Variants in KCND3 observed in about 807,000 individuals in gnomAD.
The protein encoded by KCND3 is potassium voltage-gated channel subfamily D member 3.
A neutral mutation model predicts 51.1 loss-of-function variants in KCND3; 9 were observed. That is an observed-to-expected ratio of 0.18 (90% CI 0.11 to 0.31). The LOEUF (loss-of-function observed/expected upper bound fraction) is 0.31, where lower values mean the gene tolerates loss of function less well. KCND3 is among the 10% of genes least tolerant of loss of function. KCND3 has a pLI of 1.00. For missense variants in KCND3, 526 were observed against 903.8 expected (o/e 0.58, Z 5.36); for synonymous variants, 349 against 368.0 (o/e 0.95, Z 0.59).
intron 7 of KCND3, 27 bp from the exon 8 acceptor site, chr1:111,776,305 A>G: frequency 1.9e-6 from 3 of 1,607,152 alleles, no homozygotes; most frequent in Non-Finnish European, 2.6e-6. Context: ...TGAGTTGATG[A>G]TGGTTCCTGC....
At chr1:111,867,950 G>C (rs113627766) in intron 2 of KCND3, among the ~76,000 whole-genome samples, 4,323 of 152,316 alleles carry the variant, frequency 0.028, 78 homozygotes, top group Non-Finnish European at 0.043. Flanking sequence ...CTAAGCCACA[G>C]AGCCTCATTG....
intron 2 of KCND3, among the ~76,000 whole-genome samples, chr1:111,975,805 C>G (rs1674597062): frequency 6.6e-6 from 1 of 152,184 alleles, no homozygotes; most frequent in African/African-American, 2.4e-5. Context: ...TCAAGAACAG[C>G]ACACCAAGGT....
rs530367142 is a variant in KCND3, at chr1:111,826,396, T to A, written c.1107-39290A>T. On this transcript the variant is annotated intron_variant, in intron 2 of 7. Coordinates refer to ENST00000302127, the MANE Select transcript of KCND3 (RefSeq NM_001378969.1). The stretch of plus-strand genomic sequence containing the variant: ...GAGTCTCTCACTCCTTGTGAGATGT[T>A]TTCTTTTAGAGTGTGCAGCCATGGA... Among the ~76,000 whole-genome samples, 394 of 152,320 alleles carry A rather than the reference T, an allele frequency of 2.6e-3. 4 individuals are homozygous for A. The highest frequency in any genetic ancestry group is 9.2e-3 in the African/African-American group (384 of 41,558).
chr1:111,866,317 C>T (rs1441449637), intron 2 of KCND3, among the ~76,000 whole-genome samples: 3 of 132,692 alleles, frequency 2.3e-5, no homozygotes, highest in Admixed American at 8.8e-5. Context: ...CTGGATGGAG[C>T]GCAGTGGGGC....
rs1478825319 is a variant in KCND3 at position 111,982,893 on chromosome 1, G to C, written c.-72-95C>G. 1.1e-6 allele frequency: 1 copy of C among 930,952 alleles called. No homozygotes were observed. Among genetic ancestry groups the C allele is most frequent in the East Asian group, 2.7e-5 (1 of 37,568 alleles). 57.7% of individuals were successfully genotyped at this position (930,952 alleles called of 1,614,324 possible). On this transcript the variant is annotated intron_variant, in intron 1 of 7. Transcript: ENST00000302127. This position sits in a 1 kb window ranked among gnomAD's most constrained non-coding sequence, Gnocchi z 8.5. ...GGAAAGGATCACTGGTGAGTGAAACGGCCAAAGTCTCCAGGGCAGATTAAT... is the reference window on the plus strand; with the variant it reads ...GGAAAGGATCACTGGTGAGTGAAACCGCCAAAGTCTCCAGGGCAGATTAAT...
chr1:111,802,414 C>A (rs1234927544), intron 2 of KCND3, among the ~76,000 whole-genome samples: 1 of 152,236 alleles, frequency 6.6e-6, no homozygotes, highest in Non-Finnish European at 1.5e-5. Flanking sequence ...CAATGTCATG[C>A]AAAGAACGTA....
At chr1:111,953,355 G>A (rs186239679) in intron 2 of KCND3, among the ~76,000 whole-genome samples, 15 of 152,314 alleles carry the variant, frequency 9.8e-5, no homozygotes, top group Admixed American at 5.2e-4. Context: ...AGTGAGGGGC[G>A]TTAAGAAAAC....
intron 2 of KCND3, among the ~76,000 whole-genome samples, chr1:111,897,789 TC>T: frequency 6.6e-6 from 1 of 151,964 alleles, no homozygotes; most frequent in Non-Finnish European, 1.5e-5. Flanking sequence ...CAGGAGTGAG[TC>T]CCCACAATCA....
intron 3 of KCND3, among the ~76,000 whole-genome samples, chr1:111,784,675 T>C (rs1240725117): frequency 6.6e-6 from 1 of 152,180 alleles, no homozygotes; most frequent in East Asian, 1.9e-4. Context: ...ACAGACTCAA[T>C]GCTGGAGCAG....
intron 2 of KCND3, among the ~76,000 whole-genome samples, chr1:111,831,814 C>T (rs1208604438): frequency 6.6e-6 from 1 of 152,178 alleles, no homozygotes; most frequent in Non-Finnish European, 1.5e-5. Context: ...TTACAGGATT[C>T]AGAGATACAT....
Position 111,771,804 on chromosome 1 carries a change from CACTG to C in KCND3, c.*4269_*4272del, listed in dbSNP as rs1388146763. The stretch of plus-strand genomic sequence containing the variant: ...ATTGTAAACTAATGTGTTCAACTGT[CACTG>C]AGAATATCTATTGGTCTTTTGAAAG... On this transcript the variant is annotated 3_prime_UTR_variant, in exon 8 of 8. Coordinates refer to ENST00000302127, the MANE Select transcript of KCND3 (RefSeq NM_001378969.1). The C allele has an allele frequency of 2.0e-5, 3 of 152,150 alleles. No individual in the cohort carries two copies. The highest frequency in any genetic ancestry group is 4.4e-5 in the Non-Finnish European group (3 of 68,028). 9.4% of individuals were successfully genotyped at this position (152,150 alleles called of 1,614,324 possible).
At chr1:111,963,841 T>C (rs924085558) in intron 2 of KCND3, among the ~76,000 whole-genome samples, 22 of 152,186 alleles carry the variant, frequency 1.4e-4, no homozygotes, top group African/African-American at 5.1e-4. Flanking sequence ...CTGCACTGCC[T>C]CTCCATCACC....
chr1:111,979,124 T>C (rs1674801762), intron 2 of KCND3, among the ~76,000 whole-genome samples: 1 of 152,234 alleles, frequency 6.6e-6, no homozygotes, highest in Non-Finnish European at 1.5e-5. Context: ...CATTGTCAGA[T>C]GTGGGGTGAG....
At position 111,780,135 on chromosome 1, in the gene KCND3, A is replaced by G. The variant is rs1330191467; in HGVS notation, c.1461+90T>C. 2.3e-6 allele frequency: 3 copies of G among 1,310,098 alleles called. No individual in the cohort carries two copies. The African/African-American group carries it at 4.4e-5, about 19-fold the overall frequency. The allele number at this position is 1,310,098 out of a possible 1,614,324, so 81.2% of individuals were successfully genotyped here. A position where few individuals can be genotyped will look rare whatever the true frequency, so the allele number is the denominator to read the frequency against. On this transcript the variant is annotated intron_variant, in intron 5 of 7. Transcript: ENST00000302127. This position sits in a 1 kb window ranked among gnomAD's most constrained non-coding sequence, Gnocchi z 4.2. ...TTGGATCTGAAGGGGACAGACTTTG[A>G]CTTCTGGCCCAGAGTGAAGATGTGA... is the stretch of plus-strand genomic sequence containing the variant.
At chr1:111,822,075 CA>C (rs1666375477) in intron 2 of KCND3, among the ~76,000 whole-genome samples, 1 of 117,980 alleles carries the variant, frequency 8.5e-6, no homozygotes, top group Admixed American at 9.1e-5. Flanking sequence ...GGGGCTCAAG[CA>C]GTCTTTCTTT....
rs533566799 is a variant in KCND3 at position 111,775,540 on chromosome 1, A to C, written c.*537T>G. 5.9e-6 allele frequency: 1 copy of C among 168,694 alleles called. No individual in the cohort carries two copies. Among genetic ancestry groups the C allele is most frequent in the Non-Finnish European group, 1.3e-5 (1 of 76,188 alleles). 10.4% of individuals were successfully genotyped at this position (168,694 alleles called of 1,614,324 possible). On this transcript the variant is annotated 3_prime_UTR_variant, in exon 8 of 8. Coordinates refer to ENST00000302127, the MANE Select transcript of KCND3 (RefSeq NM_001378969.1). ...GTTTTGGTTCAAAGGTGTTGGGTCC[A>C]TGGAGAAAAACATTTCACAAAAATC...
At chr1:111,911,986 G>T (rs12729215) in intron 2 of KCND3, among the ~76,000 whole-genome samples, 7,681 of 152,288 alleles carry the variant, frequency 0.05, 251 homozygotes, top group Middle Eastern at 0.085. Flanking sequence ...GGCAGCTAGA[G>T]TGTGCAGGCA....
chr1:111,900,751 ATT>A (rs2101789808), intron 2 of KCND3, among the ~76,000 whole-genome samples: 1 of 152,200 alleles, frequency 6.6e-6, no homozygotes, highest in East Asian at 1.9e-4. Flanking sequence ...GAGGTCAGGA[ATT>A]CGAGACCAGC....
chr1:111,806,092 G>A (rs915337366), intron 2 of KCND3, among the ~76,000 whole-genome samples: 9 of 152,180 alleles, frequency 5.9e-5, no homozygotes, highest in Non-Finnish European at 1.3e-4. Context: ...GAGCACCCCT[G>A]CTACGACACT....
Sources: allele counts gnomAD v4.1 joint callset (sites outside exome capture counted in the v4.1 genomes callset), GRCh38; gene constraint gnomAD v4.1.1; non-coding constraint Gnocchi (gnomAD v3.1); transcripts MANE v1.5; gene names NCBI Gene and HGNC (gene_info 2026-07-23, HGNC 2026-07-21).